The following RAPGEF5 variants were observed in gnomAD, a reference collection of about 807,000 sequenced individuals.
The protein encoded by RAPGEF5 is M-Ras-regulated GEF.
A neutral mutation model predicts 125.2 loss-of-function variants in RAPGEF5; 65 were observed. That is an observed-to-expected ratio of 0.52 (90% confidence interval 0.43 to 0.64). RAPGEF5 has a LOEUF of 0.64. Among genes scored for constraint, RAPGEF5 ranks in the 30% least tolerant of loss-of-function variants. RAPGEF5 has a pLI of 0.00. For synonymous variants in RAPGEF5, 391 were observed against 385.9 expected (o/e 1.01, Z -0.16); for missense variants, 958 against 1,048.1 (o/e 0.91, Z 1.19).
intron 9 of RAPGEF5, among the ~76,000 whole-genome samples, chr7:22,219,298 C>G (rs145326625): frequency 6.6e-6 from 1 of 152,090 alleles, no homozygotes; most frequent in East Asian, 1.9e-4. Context: ...CGGAACGTCC[C>G]TTTCCTCCAG....
At chr7:22,219,031 C>G (rs1785711770) in intron 9 of RAPGEF5, among the ~76,000 whole-genome samples, 1 of 152,158 alleles carries the variant, frequency 6.6e-6, no homozygotes, top group Non-Finnish European at 1.5e-5. Flanking sequence ...TGTTTTCCCC[C>G]TTGGAAAGGG....
intron 5 of RAPGEF5, among the ~76,000 whole-genome samples, chr7:22,307,631 C>G (rs1783372832): frequency 6.6e-6 from 1 of 152,134 alleles, no homozygotes; most frequent in African/African-American, 2.4e-5. Context: ...AACCTACTTT[C>G]TTATCTATGA....
At chr7:22,342,268 A>G (rs2128387137) in intron 1 of RAPGEF5, among the ~76,000 whole-genome samples, 1 of 152,292 alleles carries the variant, frequency 6.6e-6, no homozygotes, top group South Asian at 2.1e-4. Flanking sequence ...ACAGGACACC[A>G]AGTTCCCTAG....
chr7:22,343,905 A>G (rs945098681), intron 1 of RAPGEF5, among the ~76,000 whole-genome samples: 1 of 151,562 alleles, frequency 6.6e-6, no homozygotes, highest in African/African-American at 2.4e-5. Context: ...TGTCTGCGGA[A>G]AAAAAAAAGC....
chr7:22,175,139 C>T (rs982494993), intron 11 of RAPGEF5, among the ~76,000 whole-genome samples: 17 of 152,172 alleles, frequency 1.1e-4, no homozygotes, highest in South Asian at 4.2e-4. Context: ...AACAAACAAA[C>T]GGGACACAAA....
chr7:22,170,996 C>T (rs566702689), intron 11 of RAPGEF5, among the ~76,000 whole-genome samples: 14 of 151,586 alleles, frequency 9.2e-5, no homozygotes, highest in Admixed American at 7.9e-4. Context: ...ATACAAAGAG[C>T]TTTCCTTTAT....
chr7:22,191,983 T>C (rs1785010947), intron 11 of RAPGEF5, among the ~76,000 whole-genome samples: 1 of 152,230 alleles, frequency 6.6e-6, no homozygotes, highest in African/African-American at 2.4e-5. Flanking sequence ...AAAGTGTCTT[T>C]TCCATGACAG....
intron 9 of RAPGEF5, among the ~76,000 whole-genome samples, chr7:22,214,165 TG>T (rs1785575552): frequency 6.6e-6 from 1 of 152,168 alleles, no homozygotes; most frequent in East Asian, 1.9e-4. Context: ...TGAGGCTGAG[TG>T]ATAGAGACCC....
intron 9 of RAPGEF5, among the ~76,000 whole-genome samples, chr7:22,211,057 T>C (rs113298977): frequency 0.013 from 2,031 of 152,352 alleles, 42 homozygotes; most frequent in African/African-American, 0.046. Flanking sequence ...AAATGTACTG[T>C]ACACTTGCCC....
chr7:22,234,935 T>G (rs1366857568), intron 7 of RAPGEF5, among the ~76,000 whole-genome samples: 2 of 152,186 alleles, frequency 1.3e-5, no homozygotes, highest in Non-Finnish European at 2.9e-5. Context: ...TTATTTAATT[T>G]CTGCTGATCA....
chr7:22,212,174 C>T (rs896070273), intron 9 of RAPGEF5, among the ~76,000 whole-genome samples: 1 of 152,050 alleles, frequency 6.6e-6, no homozygotes, highest in African/African-American at 2.4e-5. Context: ...AGAGTTTCAC[C>T]GTGTTAGCCA....
intron 11 of RAPGEF5, among the ~76,000 whole-genome samples, chr7:22,183,268 CAAAAAAAAAA>C (rs757079018): frequency 0.083 from 2,556 of 30,980 alleles, 52 homozygotes; most frequent in Middle Eastern, 0.28. Flanking sequence ...GACTCCATCA[CAAAAAAAAAA>C]AAAAAAAAAA....
At chr7:22,179,357 A>G (rs1252486052) in intron 11 of RAPGEF5, among the ~76,000 whole-genome samples, 4 of 152,204 alleles carry the variant, frequency 2.6e-5, no homozygotes, top group Non-Finnish European at 5.9e-5. Context: ...AACAGCTCAA[A>G]TCAGACATAA....
chr7:22,315,851 A>C (rs1234954260), intron 2 of RAPGEF5, among the ~76,000 whole-genome samples: 1 of 152,118 alleles, frequency 6.6e-6, no homozygotes, highest in Non-Finnish European at 1.5e-5. Flanking sequence ...TATATTATGC[A>C]TTAAGTCTGC....
Position 22,341,371 on chromosome 7 carries a change from C to T in RAPGEF5, c.231+15459G>A, listed in dbSNP as rs145182865. Among the ~76,000 whole-genome samples, 50 of 152,252 alleles carry T rather than the reference C, an allele frequency of 3.3e-4. No individual in the cohort carries two copies. In the East Asian group the frequency reaches 6.2e-3, roughly 19 times the overall value. On this transcript the variant is annotated intron_variant, in intron 1 of 25. Coordinates refer to ENST00000665637, the MANE Select transcript of RAPGEF5 (RefSeq NM_012294.5). ...TCCCACAACACGTGAGAATTCAAGA[C>T]GAGATTTGGGTGGGGACACAGCCAA...
At chr7:22,241,400 AG>A (rs1405709734) in intron 7 of RAPGEF5, among the ~76,000 whole-genome samples, 1 of 152,172 alleles carries the variant, frequency 6.6e-6, no homozygotes, top group Admixed American at 6.5e-5. Flanking sequence ...AAATAAATAG[AG>A]GGGGCAGGGG....
At chr7:22,169,502 T>C (rs1000579004) in intron 11 of RAPGEF5, among the ~76,000 whole-genome samples, 9 of 152,062 alleles carry the variant, frequency 5.9e-5, no homozygotes, top group South Asian at 2.1e-4. Context: ...AATTACAACA[T>C]TTCTCTGTGT....
At chr7:22,338,129 T>G (rs932621784) in intron 1 of RAPGEF5, among the ~76,000 whole-genome samples, 1 of 152,252 alleles carries the variant, frequency 6.6e-6, no homozygotes, top group African/African-American at 2.4e-5. Flanking sequence ...AGTGGATCTA[T>G]TCTACTGCTG....
At chr7:22,240,844 C>G (rs1442300200) in intron 7 of RAPGEF5, among the ~76,000 whole-genome samples, 2 of 152,092 alleles carry the variant, frequency 1.3e-5, no homozygotes, top group African/African-American at 4.8e-5. Flanking sequence ...TACACAATTT[C>G]TCTCAGAAAT....
Sources: gnomAD v4.1 joint callset for allele counts (sites outside exome capture counted in the v4.1 genomes callset) on GRCh38, gnomAD v4.1.1 for gene constraint, MANE v1.5 for transcripts, NCBI Gene and HGNC (gene_info 2026-07-23, HGNC 2026-07-21) for gene names.